Variants in MCC observed in about 807,000 individuals in gnomAD.
The protein encoded by MCC is colorectal mutant cancer protein.
Under a neutral mutation model 116.2 loss-of-function variants are expected in MCC, and 90 were observed. That is an observed-to-expected ratio of 0.77 (90% CI 0.65 to 0.92). The LOEUF (loss-of-function observed/expected upper bound fraction) is 0.92. Among genes scored for constraint, MCC ranks in the 40% least tolerant of loss-of-function variants. The pLI is 0.00. For missense variants in MCC, 1,516 were observed against 1,312.2 expected (o/e 1.16, Z -2.40); for synonymous variants, 578 against 510.5 (o/e 1.13, Z -1.78).
intron 15 of MCC, 68 bp from the exon 16 acceptor site, chr5:113,049,367 G>A: frequency 1.5e-6 from 2 of 1,355,022 alleles, no homozygotes; most frequent in Non-Finnish European, 2.0e-6. Flanking sequence ...CTGCTGCCAA[G>A]TGGGTGGGTG....
At chr5:113,349,187 C>T (rs1382720887) in intron 2 of MCC, among the ~76,000 whole-genome samples, 3 of 151,992 alleles carry the variant, frequency 2.0e-5, no homozygotes, top group Non-Finnish European at 4.4e-5. Flanking sequence ...AGAACACTTC[C>T]ATACTCATTC....
chr5:113,180,205 C>A lies in MCC; in HGVS notation c.628-28783G>T, dbSNP rs1358168979. On this transcript the variant is annotated intron_variant, in intron 3 of 18. Transcript: ENST00000408903. ...TTATCGTCACGTGTTTTTTTATTTGCCATGTTCTCATTTCTACTCCCTTTG... is the reference window on the plus strand; with the variant it reads ...TTATCGTCACGTGTTTTTTTATTTGACATGTTCTCATTTCTACTCCCTTTG... Among the ~76,000 whole-genome samples, 4 of 152,060 alleles carry A rather than the reference C, an allele frequency of 2.6e-5. No individual in the cohort carries two copies. The East Asian group carries it at 7.7e-4, about 29-fold the overall frequency.
chr5:113,160,811 G>A (rs1013679951), intron 3 of MCC, among the ~76,000 whole-genome samples: 1 of 152,146 alleles, frequency 6.6e-6, no homozygotes, highest in African/African-American at 2.4e-5. Context: ...TCAGACCCAG[G>A]AAGGAATCCG....
intron 1 of MCC, among the ~76,000 whole-genome samples, chr5:113,414,195 G>A (rs1325646052): frequency 6.6e-6 from 1 of 152,168 alleles, no homozygotes; most frequent in Non-Finnish European, 1.5e-5. Flanking sequence ...CAACTATGTG[G>A]TCAATTTTGG....
chr5:113,095,976 G>A (rs1399602782), intron 8 of MCC, among the ~76,000 whole-genome samples: 1 of 152,140 alleles, frequency 6.6e-6, no homozygotes, highest in Non-Finnish European at 1.5e-5. Flanking sequence ...CTTGGCACTG[G>A]GCCAGGCAGT....
intron 1 of MCC, among the ~76,000 whole-genome samples, chr5:113,420,306 G>A (rs1177603694): frequency 3.9e-5 from 6 of 151,924 alleles, no homozygotes; most frequent in South Asian, 4.1e-4. Context: ...CAAGTTAGAC[G>A]CAAAGAATAA....
At chr5:113,091,216 G>A (rs536523979) in intron 8 of MCC, among the ~76,000 whole-genome samples, 3 of 152,348 alleles carry the variant, frequency 2.0e-5, no homozygotes, top group South Asian at 4.1e-4. Context: ...TCTGCATACT[G>A]TGGGACTCCA....
At chr5:113,333,836 T>TACATATGTACATATATAC (rs372077130) in intron 3 of MCC, among the ~76,000 whole-genome samples, 5 of 59,316 alleles carry the variant, frequency 8.4e-5, no homozygotes, top group Non-Finnish European at 1.5e-4. Context: ...TGTATATATG[T>TACATATGTACATATATAC]ATATATGTAT....
chr5:113,048,995 A>C, intron 16 of MCC, 98 bp downstream of exon 16: 1 of 1,149,320 alleles, frequency 8.7e-7, no homozygotes, highest in Non-Finnish European at 1.3e-6. Context: ...AAATACAAGA[A>C]CTGAGGCAGC....
At chr5:113,262,243 A>C (rs1400269604) in intron 3 of MCC, among the ~76,000 whole-genome samples, 1 of 152,152 alleles carries the variant, frequency 6.6e-6, no homozygotes, top group East Asian at 1.9e-4. Context: ...ATTGCTAGCA[A>C]AAGTAATGTC....
At chr5:113,285,022 G>A (rs1766192342) in intron 3 of MCC, among the ~76,000 whole-genome samples, 1 of 152,226 alleles carries the variant, frequency 6.6e-6, no homozygotes, top group East Asian at 1.9e-4. Context: ...AATCATTCTT[G>A]GCCAGTGTCC....
chr5:113,182,732 T>C (rs1415078742), intron 3 of MCC, among the ~76,000 whole-genome samples: 1 of 152,234 alleles, frequency 6.6e-6, no homozygotes, highest in East Asian at 1.9e-4. Context: ...TTCATACCTG[T>C]TGGTGAACTT....
intron 3 of MCC, among the ~76,000 whole-genome samples, chr5:113,229,178 G>C (rs551336906): frequency 1.4e-4 from 21 of 152,056 alleles, no homozygotes; most frequent in Middle Eastern, 3.2e-3. Context: ...GGATGGGGAG[G>C]GGCTGAAGAA....
chr5:113,352,125 A>G lies in MCC; in HGVS notation c.416-11395T>C, dbSNP rs538740955. 9.2e-5 allele frequency among the ~76,000 whole-genome samples: 14 copies of G among 152,344 alleles called. No homozygotes were observed. In the South Asian group the frequency reaches 2.9e-3, roughly 32 times the overall value. On this transcript the variant is annotated intron_variant, in intron 2 of 18. Transcript: ENST00000408903. ...ATAAAGGGAAGTGGACTTTTAAAAA[A>G]ACTATAGTAGACTGTTCCCATTACT...
intron 3 of MCC, among the ~76,000 whole-genome samples, chr5:113,194,281 A>C (rs73244734): frequency 4.6e-4 from 70 of 152,366 alleles, no homozygotes; most frequent in African/African-American, 1.3e-3. Context: ...TACTTAGTAC[A>C]TGCAAAACAC....
intron 5 of MCC, among the ~76,000 whole-genome samples, chr5:113,127,858 T>G (rs369820282): frequency 6.6e-6 from 1 of 152,218 alleles, no homozygotes; most frequent in Non-Finnish European, 1.5e-5. Flanking sequence ...TAGAACCCAT[T>G]TGTCAATTTT....
At chr5:113,127,666 C>T (rs968062461) in intron 5 of MCC, among the ~76,000 whole-genome samples, 6 of 152,060 alleles carry the variant, frequency 3.9e-5, no homozygotes, top group African/African-American at 1.4e-4. Context: ...AATGTCTGTT[C>T]ATGTCCTTTG....
intron 3 of MCC, among the ~76,000 whole-genome samples, chr5:113,182,777 C>A (rs1561435126): frequency 6.6e-6 from 1 of 152,182 alleles, no homozygotes; most frequent in Non-Finnish European, 1.5e-5. Context: ...TCGCACAAGG[C>A]CTGGCACACA....
At chr5:113,444,075 C>T (rs112087996) in intron 1 of MCC, among the ~76,000 whole-genome samples, 5,289 of 151,824 alleles carry the variant, frequency 0.035, 138 homozygotes, top group African/African-American at 0.069. Flanking sequence ...GAACTCCTGA[C>T]CTCACGTGAT....
Sources: allele counts gnomAD v4.1 joint callset (sites outside exome capture counted in the v4.1 genomes callset), GRCh38; gene constraint gnomAD v4.1.1; transcripts MANE v1.5; gene names NCBI Gene and HGNC (gene_info 2026-07-23, HGNC 2026-07-21).